The following CDKAL1 variants were observed in gnomAD, a reference collection of about 807,000 sequenced individuals.
The protein encoded by CDKAL1 is CDKAL1 threonylcarbamoyladenosine tRNA methylthiotransferase, also known as threonylcarbamoyladenosine tRNA methylthiotransferase.
Under a neutral mutation model 68.2 loss-of-function variants are expected in CDKAL1, and 32 were observed. The observed-to-expected ratio is 0.47, with a 90% confidence interval of 0.35 to 0.63. The LOEUF is 0.63. Among genes scored for constraint, CDKAL1 ranks in the 30% least tolerant of loss-of-function variants. The probability of loss-of-function intolerance (pLI) is 0.00; values close to 1 mark genes in which losing one functional copy is unlikely to be tolerated. For synonymous variants in CDKAL1, 234 were observed against 244.3 expected, an observed-to-expected ratio of 0.96 and a Z score of 0.39; for missense variants, 606 against 696.7, an observed-to-expected ratio of 0.87 and a Z score of 1.47.
At chr6:20,770,148 A>T (rs1215569242) in intron 7 of CDKAL1, among the ~76,000 whole-genome samples, 1 of 151,794 alleles carries the variant, frequency 6.6e-6, no homozygotes, top group Non-Finnish European at 1.5e-5. Context: ...TTTTGTAAGG[A>T]GTTAATAAAG....
chr6:20,765,906 A>G (rs1256699783), intron 7 of CDKAL1, among the ~76,000 whole-genome samples: 2 of 151,218 alleles, frequency 1.3e-5, no homozygotes, highest in Non-Finnish European at 3.0e-5. Context: ...TTTATCCACT[A>G]CAAAATATGT....
chr6:21,201,134 T>C lies in CDKAL1; in HGVS notation c.1408T>C (p.Phe470Leu). ...EQVLVPKNPAFMGKMVEVDIY... is the reference protein window; with the variant it reads ...EQVLVPKNPALMGKMVEVDIY... Reference sequence around the variant, plus strand: ...GGTTTTAGTGCCAAAGAACCCTGCGTTCATGGGGAAGATGGTTGAAGTGGA... The same window carrying C: ...GGTTTTAGTGCCAAAGAACCCTGCGCTCATGGGGAAGATGGTTGAAGTGGA... Residue 470 changes from phenylalanine (F) to leucine (L), a missense_variant, in exon 15 of 16, where the codon TTC becomes CTC. Coordinates refer to ENST00000274695, the MANE Select transcript of CDKAL1 (RefSeq NM_017774.3). 6.2e-7 allele frequency: 1 copy of C among 1,613,320 alleles called. No individual in the cohort carries two copies. Among genetic ancestry groups the C allele is most frequent in the Non-Finnish European group, 8.5e-7 (1 of 1,179,438 alleles).
At chr6:21,067,536 T>C (rs765140621) in intron 12 of CDKAL1, among the ~76,000 whole-genome samples, 1 of 152,070 alleles carries the variant, frequency 6.6e-6, no homozygotes, top group Non-Finnish European at 1.5e-5. Context: ...GGCGTGAACC[T>C]GGGAGGTGGA....
At chr6:20,700,222 G>T (rs1265990331) in intron 5 of CDKAL1, among the ~76,000 whole-genome samples, 1 of 151,816 alleles carries the variant, frequency 6.6e-6, no homozygotes, top group Admixed American at 6.6e-5. Context: ...AGGCATGGTG[G>T]CACATGCCTG....
At chr6:20,590,287 CTAGA>C (rs1453166500) in intron 4 of CDKAL1, among the ~76,000 whole-genome samples, 1 of 152,094 alleles carries the variant, frequency 6.6e-6, no homozygotes, top group Non-Finnish European at 1.5e-5. Flanking sequence ...TGATTCTAGA[CTAGA>C]TATGCAAATT....
At chr6:21,050,951 G>T (rs1355366765) in intron 11 of CDKAL1, among the ~76,000 whole-genome samples, 1 of 152,158 alleles carries the variant, frequency 6.6e-6, no homozygotes, top group African/African-American at 2.4e-5. Flanking sequence ...CTGTGAAAAA[G>T]ATCACATTTA....
At chr6:20,750,721 T>C (rs937655043) in intron 6 of CDKAL1, among the ~76,000 whole-genome samples, 1 of 151,996 alleles carries the variant, frequency 6.6e-6, no homozygotes, top group African/African-American at 2.4e-5. Context: ...CCCAGCACTT[T>C]GGGAGGCCGA....
intron 5 of CDKAL1, among the ~76,000 whole-genome samples, chr6:20,677,826 TGTGCTCAATATCACTA>T (rs1423272516): frequency 3.9e-5 from 6 of 152,376 alleles, no homozygotes; most frequent in African/African-American, 1.4e-4. Context: ...TGATGCATAG[TGTGCTCAATATCACTA>T]GTTTTTAGAA....
At chr6:21,010,855 G>T (rs997444038) in intron 11 of CDKAL1, among the ~76,000 whole-genome samples, 1 of 152,138 alleles carries the variant, frequency 6.6e-6, no homozygotes, top group East Asian at 1.9e-4. Context: ...AGGCCGAGGC[G>T]GGCAGATCAT....
chr6:20,937,337 C>G (rs1037843007), intron 9 of CDKAL1, among the ~76,000 whole-genome samples: 2 of 152,222 alleles, frequency 1.3e-5, no homozygotes, highest in South Asian at 2.1e-4. Context: ...ATCATCCCTC[C>G]TTGGCCTCCC....
chr6:21,022,271 A>G (rs1768708049), intron 11 of CDKAL1, among the ~76,000 whole-genome samples: 1 of 152,248 alleles, frequency 6.6e-6, no homozygotes, highest in Non-Finnish European at 1.5e-5. Flanking sequence ...CTGTTTGGTT[A>G]TAAATAAATA....
chr6:20,959,961 G>C (rs1764971682), intron 10 of CDKAL1, among the ~76,000 whole-genome samples: 1 of 152,132 alleles, frequency 6.6e-6, no homozygotes, highest in Non-Finnish European at 1.5e-5. Flanking sequence ...TGGTATAATG[G>C]CTGCTGCTAA....
chr6:20,795,593 C>A (rs1776077241), intron 8 of CDKAL1, among the ~76,000 whole-genome samples: 1 of 152,162 alleles, frequency 6.6e-6, no homozygotes, highest in African/African-American at 2.4e-5. Context: ...CTAAGAAATG[C>A]CATCATTGAT....
chr6:21,038,939 G>A (rs1261201147), intron 11 of CDKAL1, among the ~76,000 whole-genome samples: 4 of 152,044 alleles, frequency 2.6e-5, no homozygotes, highest in Non-Finnish European at 4.4e-5. Flanking sequence ...ACCTACCTAG[G>A]TGTGAATATT....
At chr6:21,198,170 A>G in intron 14 of CDKAL1, 66 bp downstream of exon 14, 1 of 1,104,456 alleles carries the variant, frequency 9.1e-7, no homozygotes, top group Non-Finnish European at 1.3e-6. Context: ...AGTTTAAGCA[A>G]AGGGCATTTA....
At chr6:20,888,358 C>CTT (rs59055712) in intron 9 of CDKAL1, among the ~76,000 whole-genome samples, 1 of 144,074 alleles carries the variant, frequency 6.9e-6, no homozygotes, top group African/African-American at 2.6e-5. Context: ...GCCACATCTT[C>CTT]TTTTTTTTTT....
intron 8 of CDKAL1, among the ~76,000 whole-genome samples, chr6:20,837,614 T>G (rs1407839345): frequency 6.6e-6 from 1 of 152,122 alleles, no homozygotes; most frequent in Non-Finnish European, 1.5e-5. Context: ...CACTTTCCCA[T>G]AAGTTGACCT....
intron 8 of CDKAL1, among the ~76,000 whole-genome samples, chr6:20,817,150 G>A (rs778087081): frequency 5.3e-5 from 8 of 152,092 alleles, no homozygotes; most frequent in Admixed American, 1.3e-4. Flanking sequence ...TGGTATAGTT[G>A]GAAGTAGAGC....
intron 4 of CDKAL1, among the ~76,000 whole-genome samples, chr6:20,609,300 C>CCTTCTTCTCCTTCTCCTTCTTCTCCTT (rs146820654): frequency 4.1e-5 from 6 of 144,780 alleles, no homozygotes; most frequent in African/African-American, 1.3e-4. Flanking sequence ...TTCTCCTTCT[C>CCTTCTTCTCCTTCTCCTTCTTCTCCTT]CTCCTCCTCC....
Sources: allele counts gnomAD v4.1 joint callset (sites outside exome capture counted in the v4.1 genomes callset), GRCh38; gene constraint gnomAD v4.1.1; transcripts MANE v1.5; gene names NCBI Gene and HGNC (gene_info 2026-07-23, HGNC 2026-07-21).